Variants in ASIC2 observed in about 807,000 individuals in gnomAD.
ASIC2 encodes acid-sensing ion channel 2.
In ASIC2, 25 loss-of-function variants were observed where a neutral mutation model predicts 57.3. The observed-to-expected ratio is 0.44, with a 90% CI of 0.32 to 0.61. ASIC2 has a LOEUF of 0.61. ASIC2 is among the 20% of genes least tolerant of loss of function. The pLI is 0.06. For missense variants in ASIC2, 641 were observed against 738.1 expected (o/e 0.87, Z 1.52); for synonymous variants, 319 against 307.5 (o/e 1.04, Z -0.39).
chr17:33,358,988 T>C (rs1433785035), intron 1 of ASIC2, among the ~76,000 whole-genome samples: 1 of 152,204 alleles, frequency 6.6e-6, no homozygotes, highest in African/African-American at 2.4e-5. Context: ...GTTCCTTAAA[T>C]AGCGTGGACT....
chr17:33,299,748 G>A (rs549248320), intron 1 of ASIC2, among the ~76,000 whole-genome samples: 2 of 152,318 alleles, frequency 1.3e-5, no homozygotes, highest in Admixed American at 1.3e-4. Context: ...TGGGCTAGAA[G>A]GACCAGGTCC....
chr17:33,956,599 C>A (rs568283685), intron 1 of ASIC2, among the ~76,000 whole-genome samples: 12 of 152,210 alleles, frequency 7.9e-5, no homozygotes, highest in African/African-American at 2.9e-4. Context: ...TTAAAACTCA[C>A]GTCACCAGGG....
At chr17:33,901,653 G>T (rs1175286797) in intron 1 of ASIC2, among the ~76,000 whole-genome samples, 1 of 151,864 alleles carries the variant, frequency 6.6e-6, no homozygotes, top group Non-Finnish European at 1.5e-5. Context: ...TGAAATGAGG[G>T]GTCTGAACAA....
rs188472917 is a variant in ASIC2 at position 33,048,601 on chromosome 17, G to C, written c.988-20209C>G. On this transcript the variant is annotated intron_variant, in intron 3 of 9. Transcript: ENST00000225823. ...CAGAAGAGGAAATTCAGTCAAGAGA[G>C]ACCACGTCATCTGCTACAGATTACA... Among the ~76,000 whole-genome samples the C allele has an allele frequency of 2.0e-5, 3 of 152,338 alleles. No homozygotes were observed. In the East Asian group the frequency reaches 5.8e-4, roughly 29 times the overall value.
At chr17:33,840,745 C>T (rs2141907882) in intron 1 of ASIC2, among the ~76,000 whole-genome samples, 1 of 151,104 alleles carries the variant, frequency 6.6e-6, no homozygotes, top group East Asian at 2.0e-4. Context: ...TAAATAAAGA[C>T]ATGGAATATT....
chr17:34,132,562 ACTGATTGGTGCATTTTACAGAGTG>A (rs897205167), intron 1 of ASIC2, among the ~76,000 whole-genome samples: 8 of 142,658 alleles, frequency 5.6e-5, no homozygotes, highest in South Asian at 2.3e-4. Context: ...TTTACAGAGC[ACTGATTGGTGCATTTTACAGAGTG>A]CTGATTGGTG....
chr17:33,161,718 G>A (rs1458509999), intron 1 of ASIC2, among the ~76,000 whole-genome samples: 1 of 152,138 alleles, frequency 6.6e-6, no homozygotes, highest in Non-Finnish European at 1.5e-5. Context: ...CCATCTGATG[G>A]CTGGGGTCTT....
At chr17:33,279,311 T>C (rs146141221) in intron 1 of ASIC2, among the ~76,000 whole-genome samples, 37 of 152,194 alleles carry the variant, frequency 2.4e-4, no homozygotes, top group African/African-American at 8.2e-4. Context: ...CCCAGTTGTC[T>C]AGAATAGACA....
At chr17:34,112,453 AG>A in intron 1 of ASIC2, among the ~76,000 whole-genome samples, 1 of 150,250 alleles carries the variant, frequency 6.7e-6, no homozygotes, top group South Asian at 2.1e-4. Context: ...GACGCAAGAC[AG>A]GCCAAAAAAA....
At chr17:33,389,256 T>C (rs1173995291) in intron 1 of ASIC2, among the ~76,000 whole-genome samples, 1 of 152,134 alleles carries the variant, frequency 6.6e-6, no homozygotes, top group African/African-American at 2.4e-5. Context: ...CCACCGTGCC[T>C]GGCTCTCTCC....
intron 1 of ASIC2, among the ~76,000 whole-genome samples, chr17:33,603,660 T>A (rs1273811057): frequency 6.6e-6 from 1 of 152,180 alleles, no homozygotes; most frequent in African/African-American, 2.4e-5. Context: ...AAAACTGGAT[T>A]CTAGATCCTT....
In ASIC2 at chr17:33,292,524, C is replaced by T; in HGVS notation, c.-409G>A. The T allele has an allele frequency of 1.0e-6, 1 of 985,900 alleles. No individual in the cohort carries two copies. The highest frequency in any genetic ancestry group is 1.2e-6 in the Non-Finnish European group (1 of 830,360). The allele number at this position is 985,900 out of a possible 1,614,324, so 61.1% of individuals were successfully genotyped here. ...CGGGGGACCCTGAGCCGAGTCCCCC[C>T]TGCCCCGCCTAACCCCAGCTTTTAC... On this transcript the variant is annotated 5_prime_UTR_variant, in exon 1 of 10. Coordinates refer to ENST00000225823, the MANE Select transcript of ASIC2 (RefSeq NM_183377.2).
rs373868300 is a variant in ASIC2 at position 34,025,746 on chromosome 17, TCTCTAAGC to T, written c.555+130224_555+130231del. Among the ~76,000 whole-genome samples the T allele has an allele frequency of 2.2e-3, 340 of 152,286 alleles. 1 individual carries two copies. Among genetic ancestry groups the T allele is most frequent in the African/African-American group, 8.0e-3 (331 of 41,552 alleles). On this transcript the variant is annotated intron_variant, in intron 1 of 9. Coordinates refer to the ASIC2 transcript ENST00000359872. ...GGGGCCTTGAGCCAACCACTTAAAC[TCTCTAAGC>T]CTCAGTTTCCTTATCAACAAAAGAG...
intron 1 of ASIC2, among the ~76,000 whole-genome samples, chr17:33,497,834 T>A (rs989474080): frequency 6.6e-6 from 1 of 152,206 alleles, no homozygotes; most frequent in Non-Finnish European, 1.5e-5. Context: ...GTCACTAGAA[T>A]GTCAGATATA....
chr17:34,143,897 C>CT (rs932351766), intron 1 of ASIC2, among the ~76,000 whole-genome samples: 14 of 151,556 alleles, frequency 9.2e-5, no homozygotes, highest in Non-Finnish European at 1.8e-4. Context: ...AACTAAACCT[C>CT]TTTTTTTTTC....
At chr17:34,130,662 T>A (rs921902493) in intron 1 of ASIC2, among the ~76,000 whole-genome samples, 2 of 152,234 alleles carry the variant, frequency 1.3e-5, no homozygotes, top group African/African-American at 4.8e-5. Flanking sequence ...ATGATGCTTC[T>A]CACACCATAA....
intron 1 of ASIC2, among the ~76,000 whole-genome samples, chr17:33,786,057 G>C (rs1340439460): frequency 6.6e-6 from 1 of 152,176 alleles, no homozygotes; most frequent in Non-Finnish European, 1.5e-5. Flanking sequence ...AGCTCACGCA[G>C]CTGGAAGTAA....
intron 1 of ASIC2, among the ~76,000 whole-genome samples, chr17:34,021,303 G>A (rs1907150968): frequency 1.3e-5 from 2 of 151,502 alleles, no homozygotes; most frequent in Non-Finnish European, 1.5e-5. Flanking sequence ...CCATCACTCA[G>A]GGCCCTGCAA....
intron 1 of ASIC2, among the ~76,000 whole-genome samples, chr17:33,266,638 C>A (rs1909471332): frequency 6.7e-6 from 1 of 149,100 alleles, no homozygotes; most frequent in Non-Finnish European, 1.5e-5. Flanking sequence ...ATCCGCACAA[C>A]CGTGGCTGCC....
Sources: gnomAD v4.1 joint callset for allele counts (sites outside exome capture counted in the v4.1 genomes callset) on GRCh38, gnomAD v4.1.1 for gene constraint, MANE v1.5 for transcripts, NCBI Gene and HGNC (gene_info 2026-07-23, HGNC 2026-07-21) for gene names.